Variants in CCDC88A observed in about 807,000 individuals in gnomAD.
The protein encoded by CCDC88A is girdin.
CCDC88A carries 54 observed loss-of-function variants against 234.3 expected under a neutral mutation model. The observed-to-expected ratio is 0.23, with a 90% CI of 0.19 to 0.29. The LOEUF is 0.29. CCDC88A is among the 10% of genes least tolerant of loss of function. The probability of loss-of-function intolerance (pLI) is 1.00; values close to 1 mark genes in which losing one functional copy is unlikely to be tolerated. For missense variants in CCDC88A, 1,832 were observed against 2,123.4 expected (o/e 0.86, Z 2.70); for synonymous variants, 753 against 737.8 (o/e 1.02, Z -0.33).
chr2:55,364,251 C>A (rs1349371660), intron 5 of CCDC88A: 2 of 364,070 alleles, frequency 5.5e-6, no homozygotes, highest in Non-Finnish European at 9.9e-6. Context: ...TATTTTTATG[C>A]TGGAAAGTTC....
chr2:55,414,639 G>A (rs993072124), intron 2 of CCDC88A, among the ~76,000 whole-genome samples: 40 of 152,358 alleles, frequency 2.6e-4, no homozygotes, highest in African/African-American at 8.9e-4. Flanking sequence ...TTGTGAGGCA[G>A]AGTCAGTAAA....
At chr2:55,391,089 A>G (rs1016845462) in intron 2 of CCDC88A, among the ~76,000 whole-genome samples, 6 of 152,260 alleles carry the variant, frequency 3.9e-5, no homozygotes, top group African/African-American at 1.2e-4. Context: ...GCTGTAAGCT[A>G]AACAATTCTC....
rs1378743128 is a variant in CCDC88A at position 55,298,838 on chromosome 2, G to A, written c.4825+1001C>T. 2.1e-5 allele frequency among the ~76,000 whole-genome samples: 3 copies of A among 142,788 alleles called. 1 individual carries two copies. The highest frequency in any genetic ancestry group is 3.0e-5 in the Non-Finnish European group (2 of 66,862). The allele number at this position is 142,788 out of a possible 152,430, so 93.7% of individuals were successfully genotyped here. On this transcript the variant is annotated intron_variant, in intron 29 of 32. Transcript: ENST00000436346. ...TGCAGTGATTTGAGATAGTACCACT[G>A]CACTCAGCCTGGGTGACACAGCGAG...
At chr2:55,411,279 C>A (rs1186653814) in intron 2 of CCDC88A, among the ~76,000 whole-genome samples, 1 of 152,086 alleles carries the variant, frequency 6.6e-6, no homozygotes, top group Non-Finnish European at 1.5e-5. Context: ...CCTGTGAGAA[C>A]TAGTCTCCCA....
In CCDC88A at chr2:55,291,695, G is replaced by C. The variant is rs758381632; in HGVS notation, c.*16C>G. 11 of 1,548,804 alleles carry C rather than the reference G, an allele frequency of 7.1e-6. No homozygotes were observed. The Admixed American group carries it at 1.9e-4, about 27-fold the overall frequency. ...ACTCACCACTTGGCCCACATGTCAT[G>C]TAGTGGGTAATAGAATTAGGAGCTT... is the stretch of plus-strand genomic sequence containing the variant. On this transcript the variant is annotated 3_prime_UTR_variant, in exon 32 of 33. Coordinates refer to ENST00000436346, the MANE Select transcript of CCDC88A (RefSeq NM_001365480.1).
chr2:55,290,038 A>T lies in CCDC88A; in HGVS notation c.*1162T>A, dbSNP rs925169781. The stretch of plus-strand genomic sequence containing the variant: ...GAGTATCAATGCATTTTTTGATTTC[A>T]TAAGAAAATAAAACTGTGATATAAA... On this transcript the variant is annotated 3_prime_UTR_variant, in exon 33 of 33. Transcript: ENST00000436346. 9.2e-5 allele frequency: 14 copies of T among 152,714 alleles called. 1 individual carries two copies. The highest frequency in any genetic ancestry group is 3.4e-4 in the African/African-American group (14 of 41,580). 9.5% of individuals were successfully genotyped at this position (152,714 alleles called of 1,614,324 possible). A position where few individuals can be genotyped will look rare whatever the true frequency, so the allele number is the denominator to read the frequency against.
intron 17 of CCDC88A, among the ~76,000 whole-genome samples, chr2:55,325,985 A>G (rs890235805): frequency 7.3e-6 from 1 of 137,410 alleles, no homozygotes; most frequent in Non-Finnish European, 1.6e-5. Flanking sequence ...ATTTTCCATC[A>G]AGATTTCTGA....
chr2:55,362,504 T>C (rs1671451626), intron 6 of CCDC88A, 56 bp from the exon 7 acceptor site: 8 of 1,451,330 alleles, frequency 5.5e-6, no homozygotes, highest in Non-Finnish European at 7.5e-6. Flanking sequence ...CTTAAAAATC[T>C]ATTTCACTAT....
chr2:55,320,616 G>C (rs1683502571), intron 18 of CCDC88A, among the ~76,000 whole-genome samples: 1 of 151,944 alleles, frequency 6.6e-6, no homozygotes, highest in Non-Finnish European at 1.5e-5. Flanking sequence ...AAGCAATATA[G>C]GTATATATAT....
intron 2 of CCDC88A, among the ~76,000 whole-genome samples, chr2:55,412,105 C>T (rs1374491263): frequency 6.6e-6 from 1 of 152,144 alleles, no homozygotes; most frequent in Admixed American, 6.5e-5. Flanking sequence ...TTCACTTATT[C>T]CTTCAACATT....
At chr2:55,336,873 C>A in intron 13 of CCDC88A, 55 bp from the exon 14 acceptor site, 5 of 1,107,048 alleles carry the variant, frequency 4.5e-6, no homozygotes, top group Non-Finnish European at 5.2e-6. Flanking sequence ...ACAGTGAAAA[C>A]ATGTCAAAAC....
chr2:55,301,614 T>G (rs1680908967), intron 27 of CCDC88A: 2 of 553,714 alleles, frequency 3.6e-6, no homozygotes, highest in South Asian at 4.6e-5. Context: ...CTTTTATCAC[T>G]CTTTACCTGG....
At chr2:55,295,338 G>A in intron 31 of CCDC88A, 1 of 1,506,350 alleles carries the variant, frequency 6.6e-7, no homozygotes, top group Non-Finnish European at 8.9e-7. Context: ...TGTATTCAGG[G>A]ATAAGAATGG....
chr2:55,377,854 C>A (rs1427779603), intron 3 of CCDC88A, among the ~76,000 whole-genome samples: 1 of 151,854 alleles, frequency 6.6e-6, no homozygotes, highest in Non-Finnish European at 1.5e-5. Flanking sequence ...GATCCGCCTG[C>A]CTTGGCCTCC....
Position 55,289,163 on chromosome 2 carries a change from T to A in CCDC88A, c.*2037A>T, listed in dbSNP as rs1162067894. On this transcript the variant is annotated 3_prime_UTR_variant, in exon 33 of 33. Transcript: ENST00000436346. ...CAGCATGTTCTGTATTTTAGGATAT[T>A]AGTGTTCTGGAGAGGTCAAGCTGTA... 1 of 152,576 alleles carries A rather than the reference T, an allele frequency of 6.6e-6. No individual in the cohort carries two copies. The highest frequency in any genetic ancestry group is 1.5e-5 in the Non-Finnish European group (1 of 68,002). 9.5% of individuals were successfully genotyped at this position (152,576 alleles called of 1,614,324 possible).
rs1228124678 is a variant in CCDC88A at position 55,295,312 on chromosome 2, T to C, written c.5551+285A>G. ...ACTGGCCTAGGAGGTAACCCACTTA[T>C]GTTACTAACTAATTCTGTATTCAGG... On this transcript the variant is annotated intron_variant, in intron 31 of 32. Transcript: ENST00000436346. 9 of 1,458,758 alleles carry C rather than the reference T, an allele frequency of 6.2e-6. No homozygotes were observed. The South Asian group carries it at 8.5e-5, about 14-fold the overall frequency. The allele number at this position is 1,458,758 out of a possible 1,614,324, so 90.4% of individuals were successfully genotyped here. A position where few individuals can be genotyped will look rare whatever the true frequency, so the allele number is the denominator to read the frequency against.
At chr2:55,343,114 G>T (rs1356611992) in intron 12 of CCDC88A, among the ~76,000 whole-genome samples, 2 of 152,008 alleles carry the variant, frequency 1.3e-5, no homozygotes, top group Non-Finnish European at 2.9e-5. Context: ...TTTACCTGGG[G>T]GATCTTACAT....
chr2:55,347,023 G>GA (rs1355969435), intron 9 of CCDC88A, among the ~76,000 whole-genome samples: 4 of 151,984 alleles, frequency 2.6e-5, no homozygotes, highest in Non-Finnish European at 5.9e-5. Flanking sequence ...AATTTATGGT[G>GA]AAAAAGTTAA....
chr2:55,337,866 GATAATA>G (rs903014258), intron 13 of CCDC88A, among the ~76,000 whole-genome samples: 3 of 151,410 alleles, frequency 2.0e-5, no homozygotes, highest in African/African-American at 7.3e-5. Context: ...TAATAATGAT[GATAATA>G]ATAATAATAA....
Sources: gnomAD v4.1 joint callset for allele counts (sites outside exome capture counted in the v4.1 genomes callset) on GRCh38, gnomAD v4.1.1 for gene constraint, MANE v1.5 for transcripts, NCBI Gene and HGNC (gene_info 2026-07-23, HGNC 2026-07-21) for gene names.